Variants in CEP128 observed in about 807,000 individuals in gnomAD.
The protein encoded by CEP128 is centrosomal protein 128kDa.
In CEP128, 132 loss-of-function variants were observed where a neutral mutation model predicts 156.7. The observed-to-expected ratio is 0.84, with a 90% CI of 0.73 to 0.97. CEP128 has a LOEUF of 0.97. Among genes scored for constraint, CEP128 ranks in the 50% least tolerant of loss-of-function variants. The probability of loss-of-function intolerance (pLI) is 0.00; values close to 1 mark genes in which losing one functional copy is unlikely to be tolerated. For synonymous variants in CEP128, 469 were observed against 448.9 expected (o/e 1.04, Z -0.57); for missense variants, 1,252 against 1,281.9 (o/e 0.98, Z 0.36).
At chr14:80,936,717 G>T (rs1015568056) in intron 2 of CEP128, among the ~76,000 whole-genome samples, 2 of 152,146 alleles carry the variant, frequency 1.3e-5, no homozygotes, top group Non-Finnish European at 2.9e-5. Flanking sequence ...CAGTCCAGTT[G>T]TAAAAGACTC....
intron 4 of CEP128, among the ~76,000 whole-genome samples, chr14:80,910,577 G>A (rs2010847): frequency 0.49 from 74,124 of 151,924 alleles, 18,494 homozygotes; most frequent in South Asian, 0.56. Context: ...CCTAGAAGCT[G>A]AGCAGATACC....
At chr14:80,484,989 T>C (rs576548609) in intron 14 of CEP128, among the ~76,000 whole-genome samples, 211 of 152,204 alleles carry the variant, frequency 1.4e-3, no homozygotes, top group Non-Finnish European at 2.5e-3. Context: ...AAATAACACA[T>C]TGTCTACAGC....
intron 8 of CEP128, among the ~76,000 whole-genome samples, chr14:80,864,392 T>C (rs1208072815): frequency 6.6e-6 from 1 of 152,164 alleles, no homozygotes; most frequent in Non-Finnish European, 1.5e-5. Context: ...ATGACTTCTA[T>C]ATTTCAGAAA....
At chr14:80,529,350 C>T (rs980058613) in intron 22 of CEP128, among the ~76,000 whole-genome samples, 3 of 152,154 alleles carry the variant, frequency 2.0e-5, no homozygotes, top group African/African-American at 4.8e-5. Context: ...TAGGCATCTT[C>T]ATATGTGAGT....
chr14:80,804,434 T>C (rs1595428628), intron 13 of CEP128, among the ~76,000 whole-genome samples: 1 of 152,130 alleles, frequency 6.6e-6, no homozygotes, highest in East Asian at 1.9e-4. Context: ...AGCTAATAAG[T>C]GGTAGACAAG....
chr14:80,607,820 A>G (rs1177281033), intron 19 of CEP128, among the ~76,000 whole-genome samples: 2 of 152,208 alleles, frequency 1.3e-5, no homozygotes, highest in African/African-American at 4.8e-5. Flanking sequence ...TATAGATTAT[A>G]CAATAGCTTC....
chr14:80,890,934 G>A (rs557381408), intron 8 of CEP128, among the ~76,000 whole-genome samples: 3 of 152,008 alleles, frequency 2.0e-5, no homozygotes, highest in African/African-American at 7.2e-5. Context: ...CGGCAAACAG[G>A]TATACAAAAA....
chr14:80,639,324 T>C (rs970066265), intron 19 of CEP128, among the ~76,000 whole-genome samples: 6 of 152,130 alleles, frequency 3.9e-5, no homozygotes, highest in African/African-American at 1.4e-4. Context: ...CTAACAAACA[T>C]ATGGGATAAG....
chr14:80,854,084 G>A (rs923040545), intron 9 of CEP128, among the ~76,000 whole-genome samples: 14 of 152,092 alleles, frequency 9.2e-5, no homozygotes, highest in African/African-American at 2.9e-4. Context: ...ACTGCCAAGA[G>A]GTGTGTGAAT....
chr14:80,605,848 G>A (rs529953877), intron 19 of CEP128, among the ~76,000 whole-genome samples: 40 of 151,896 alleles, frequency 2.6e-4, no homozygotes, highest in Admixed American at 4.6e-4. Context: ...CTATTAATGA[G>A]AAGTAAAAAT....
At chr14:80,821,600 TACACACACACACACACACACACACAC>T (rs71103885) in intron 13 of CEP128, among the ~76,000 whole-genome samples, 6 of 145,278 alleles carry the variant, frequency 4.1e-5, no homozygotes, top group African/African-American at 1.3e-4. Flanking sequence ...CATACACACA[TACACACACACACACACACACACACAC>T]ACACACACAC....
intron 20 of CEP128, among the ~76,000 whole-genome samples, chr14:80,562,660 T>C (rs13379402): frequency 0.32 from 38,352 of 121,554 alleles, 5,070 homozygotes; most frequent in East Asian, 0.45. Context: ...CTTTTCTTTT[T>C]TTTTTTTTTT....
At chr14:80,722,687 T>C (rs980868765) in intron 19 of CEP128, among the ~76,000 whole-genome samples, 3 of 152,000 alleles carry the variant, frequency 2.0e-5, no homozygotes, top group Non-Finnish European at 4.4e-5. Flanking sequence ...AATAATTTTG[T>C]CACTAAAACA....
At chr14:80,934,984 C>T (rs1442814249) in intron 2 of CEP128, among the ~76,000 whole-genome samples, 1 of 152,144 alleles carries the variant, frequency 6.6e-6, no homozygotes, top group Admixed American at 6.5e-5. Context: ...TATGTATGCT[C>T]TCTCATTTGA....
intron 21 of CEP128, among the ~76,000 whole-genome samples, chr14:80,548,542 G>C (rs549430501): frequency 7.8e-4 from 119 of 152,254 alleles, no homozygotes; most frequent in African/African-American, 2.7e-3. Context: ...CTCTTAAAGA[G>C]AGCAGAAAGC....
chr14:80,880,908 A>ATT (rs1555359341), intron 8 of CEP128, among the ~76,000 whole-genome samples: 2,268 of 133,624 alleles, frequency 0.017, 18 homozygotes, highest in Middle Eastern at 0.049. Flanking sequence ...TAATAATAAT[A>ATT]ATTTCAGTAA....
chr14:80,747,446 A>C (rs1899158725), intron 18 of CEP128, among the ~76,000 whole-genome samples: 1 of 152,218 alleles, frequency 6.6e-6, no homozygotes, highest in African/African-American at 2.4e-5. Flanking sequence ...GATGTATCAT[A>C]ATTTGGATGA....
chr14:80,733,373 TGTGTGTGTG>T (rs1898373684), intron 19 of CEP128, among the ~76,000 whole-genome samples: 2 of 151,644 alleles, frequency 1.3e-5, no homozygotes, highest in Non-Finnish European at 2.9e-5. Flanking sequence ...TGTGTGTGTG[TGTGTGTGTG>T]TATTTGTGTG....
intron 17 of CEP128, among the ~76,000 whole-genome samples, chr14:80,760,492 T>A (rs1899905732): frequency 6.6e-6 from 1 of 151,990 alleles, no homozygotes; most frequent in Admixed American, 6.6e-5. Context: ...GGAAGGTCAT[T>A]CTAGAAGAGG....
Sources: allele counts gnomAD v4.1 joint callset (sites outside exome capture counted in the v4.1 genomes callset), GRCh38; gene constraint gnomAD v4.1.1; transcripts MANE v1.5; gene names NCBI Gene and HGNC (gene_info 2026-07-23, HGNC 2026-07-21).